The following PDS5B variants were observed in gnomAD, a reference collection of about 807,000 sequenced individuals.
PDS5B encodes PDS5 cohesin associated factor B.
Under a neutral mutation model 184.1 loss-of-function variants are expected in PDS5B, and 51 were observed. That is an observed-to-expected ratio of 0.28 (90% CI 0.22 to 0.35). PDS5B has a LOEUF of 0.35. Ranked by LOEUF, PDS5B falls within the 10% of genes least tolerant of loss-of-function variation. PDS5B has a pLI of 1.00. For missense variants in PDS5B, 1,180 were observed against 1,723.3 expected (o/e 0.68, Z 5.58); for synonymous variants, 566 against 569.2 (o/e 0.99, Z 0.08).
At chr13:32,735,851 C>A (rs1015598210) in intron 21 of PDS5B, among the ~76,000 whole-genome samples, 1 of 152,068 alleles carries the variant, frequency 6.6e-6, no homozygotes, top group Non-Finnish European at 1.5e-5. Context: ...AAAGTTTTTC[C>A]TCCAAAAAGT....
intron 8 of PDS5B, among the ~76,000 whole-genome samples, chr13:32,674,850 G>T (rs942023526): frequency 5.3e-5 from 8 of 151,400 alleles, no homozygotes; most frequent in African/African-American, 1.7e-4. Context: ...ATCTTTGCTT[G>T]TTAAGCCTTA....
rs184523354 is a variant in PDS5B, at chr13:32,718,219, C to G, written c.2123+8113C>G. ...AGGCTGGAGGGCAGTGGCATGATCTCGGCTCACTGCAAGCTCCGCCTCCCG... is the reference window on the plus strand; with the variant it reads ...AGGCTGGAGGGCAGTGGCATGATCTGGGCTCACTGCAAGCTCCGCCTCCCG... On this transcript the variant is annotated intron_variant, in intron 19 of 34. Transcript: ENST00000315596. 4.4e-3 allele frequency among the ~76,000 whole-genome samples: 669 copies of G among 151,278 alleles called. 6 individuals are homozygous for G. The highest frequency in any genetic ancestry group is 0.016 in the African/African-American group (649 of 41,254).
intron 25 of PDS5B, among the ~76,000 whole-genome samples, chr13:32,753,756 G>A (rs1954070365): frequency 6.6e-6 from 1 of 152,002 alleles, no homozygotes; most frequent in Non-Finnish European, 1.5e-5. Context: ...GGACTAAATG[G>A]CCAAGGAAAA....
Position 32,669,338 on chromosome 13 carries a change from C to G in PDS5B, c.705+1494C>G, listed in dbSNP as rs1950875644. ...ACACATCTTATTTTGATTTCTTTTT[C>G]TGGCATAAAAATAAGAAAAGAACGC... is the stretch of plus-strand genomic sequence containing the variant. On this transcript the variant is annotated intron_variant, in intron 7 of 34. Coordinates refer to ENST00000315596, the MANE Select transcript of PDS5B (RefSeq NM_015032.4). Among the ~76,000 whole-genome samples the G allele has an allele frequency of 3.5e-5, 5 of 142,106 alleles. No individual in the cohort carries two copies. In the South Asian group the frequency reaches 8.9e-4, roughly 25 times the overall value. 93.2% of individuals were successfully genotyped at this position (142,106 alleles called of 152,430 possible). A position where few individuals can be genotyped will look rare whatever the true frequency, so the allele number is the denominator to read the frequency against.
intron 1 of PDS5B, among the ~76,000 whole-genome samples, chr13:32,640,142 T>TC (rs2058633520): frequency 6.6e-6 from 1 of 152,240 alleles, no homozygotes; most frequent in Non-Finnish European, 1.5e-5. Context: ...AATGACCATT[T>TC]CATTGATTTT....
rs776207788 is a variant in PDS5B at position 32,775,024 on chromosome 13, G to C, written c.4316G>C (p.Arg1439Pro). 3.4e-5 allele frequency: 55 copies of C among 1,612,634 alleles called. No homozygotes were observed. The highest frequency in any genetic ancestry group is 4.5e-5 in the Non-Finnish European group (53 of 1,179,312). ...EEEVSTVNVR[R>P]RSAKRERR ...GGTGACTTTCCTTTTAAGGTACGGC[G>C]GCGAAGTGCTAAAAGGGAACGGCGA... Residue 1439 changes from arginine to proline, a missense_variant, in exon 35 of 35, where the codon CGG becomes CCG. Arg to Pro is a moderately radical substitution (Grantham distance 103). Coordinates refer to ENST00000315596, the MANE Select transcript of PDS5B (RefSeq NM_015032.4).
intron 17 of PDS5B, among the ~76,000 whole-genome samples, chr13:32,705,517 T>G (rs1461936469): frequency 6.6e-6 from 1 of 152,202 alleles, no homozygotes; most frequent in East Asian, 1.9e-4. Flanking sequence ...ATATAATATT[T>G]TCGTAGAAGC....
At chr13:32,710,482 G>A (rs574941261) in intron 19 of PDS5B, among the ~76,000 whole-genome samples, 73 of 152,250 alleles carry the variant, frequency 4.8e-4, no homozygotes, top group African/African-American at 1.6e-3. Context: ...AAAAAAAGTC[G>A]GAAGCAGTGC....
At chr13:32,643,680 T>C (rs1303289974) in intron 1 of PDS5B, among the ~76,000 whole-genome samples, 2 of 152,152 alleles carry the variant, frequency 1.3e-5, no homozygotes, top group Admixed American at 6.5e-5. Context: ...TTGTGTACAG[T>C]ATTCAGTACA....
intron 1 of PDS5B, among the ~76,000 whole-genome samples, chr13:32,641,636 CTGTT>C (rs2140625262): frequency 6.6e-6 from 1 of 152,162 alleles, no homozygotes; most frequent in South Asian, 2.1e-4. Context: ...TGACTTTCTT[CTGTT>C]TTCCTTCTTT....
chr13:32,737,628 C>T (rs951707751), intron 21 of PDS5B, among the ~76,000 whole-genome samples: 24 of 152,118 alleles, frequency 1.6e-4, no homozygotes, highest in African/African-American at 4.3e-4. Context: ...TTAGCCTTTC[C>T]GTTTGTTTCA....
At chr13:32,681,234 G>C (rs6561500) in intron 10 of PDS5B, among the ~76,000 whole-genome samples, 66,647 of 151,948 alleles carry the variant, frequency 0.44, 15,017 homozygotes, top group African/African-American at 0.5. Context: ...TTCTCCCCTA[G>C]CTGAAATATG....
In PDS5B at chr13:32,764,582, T is replaced by C. The variant is rs1293404625; in HGVS notation, c.3612T>C (p.Ser1204=). The change falls in exon 31 of 35, where the codon TCT becomes TCC. Residue 1204 remains serine, a synonymous_variant. Coordinates refer to ENST00000315596, the MANE Select transcript of PDS5B (RefSeq NM_015032.4). The part of the protein sequence containing the change: ...PGKKSDKRDD[S]DLVRSELEKP... ...AAAAAAGTGACAAGAGAGACGACTC[T>C]GATCTTGTAAGGGTGAGATATTTGC... 6.3e-7 allele frequency: 1 copy of C among 1,577,492 alleles called. No homozygotes were observed. The highest frequency in any genetic ancestry group is 8.7e-7 in the Non-Finnish European group (1 of 1,151,896).
chr13:32,672,047 A>G (rs554140460), intron 7 of PDS5B, among the ~76,000 whole-genome samples: 1 of 152,338 alleles, frequency 6.6e-6, no homozygotes, highest in East Asian at 1.9e-4. Context: ...GCTATATGGT[A>G]GGGAAAAATT....
Position 32,773,199 on chromosome 13 carries a change from C to G in PDS5B, c.4183C>G (p.Arg1395Gly), listed in dbSNP as rs367640322. Reference sequence around the variant, plus strand: ...TGTGTTTTACTCTAGCCGTGTAGGACGCTCCAAACAAGCAGCTACTAAGGA... The same window carrying G: ...TGTGTTTTACTCTAGCCGTGTAGGAGGCTCCAAACAAGCAGCTACTAAGGA... ...SQPKKNVRVG[R>G]SKQAATKEND... Residue 1395 changes from arginine to glycine, a missense_variant, in exon 34 of 35, where the codon CGC becomes GGC. Physicochemically the swap from Arg to Gly is moderately radical, Grantham distance 125 (BLOSUM62 -2). Transcript: ENST00000315596. 232 of 1,611,000 alleles carry G rather than the reference C, an allele frequency of 1.4e-4. No individual in the cohort carries two copies. Among genetic ancestry groups the G allele is most frequent in the Non-Finnish European group, 1.9e-4 (224 of 1,178,744 alleles).
intron 17 of PDS5B, among the ~76,000 whole-genome samples, chr13:32,705,799 G>A (rs1265131833): frequency 6.6e-6 from 1 of 151,930 alleles, no homozygotes; most frequent in Non-Finnish European, 1.5e-5. Flanking sequence ...CCAAATAGCT[G>A]GGACAACAGG....
At chr13:32,676,894 G>A (rs1459591859) in intron 9 of PDS5B, among the ~76,000 whole-genome samples, 1 of 128,936 alleles carries the variant, frequency 7.8e-6, no homozygotes, top group East Asian at 2.3e-4. Flanking sequence ...TGGCACCACT[G>A]CATTCCAGCC....
At chr13:32,592,384 T>G (rs921042028) in intron 1 of PDS5B, among the ~76,000 whole-genome samples, 1 of 151,964 alleles carries the variant, frequency 6.6e-6, no homozygotes, top group African/African-American at 2.4e-5. Flanking sequence ...GCCTTCTGAG[T>G]AGCTGGGACT....
intron 1 of PDS5B, 30 bp from the exon 2 acceptor site, chr13:32,648,724 G>C: frequency 1.2e-6 from 1 of 833,412 alleles, no homozygotes; most frequent in Non-Finnish European, 2.1e-6. Context: ...TCTATTTTTT[G>C]GTTTGCATCT....
Sources: gnomAD v4.1 joint callset for allele counts (sites outside exome capture counted in the v4.1 genomes callset) on GRCh38, gnomAD v4.1.1 for gene constraint, MANE v1.5 for transcripts, NCBI Gene and HGNC (gene_info 2026-07-23, HGNC 2026-07-21) for gene names.